The following PNLIPRP3 variants were observed in gnomAD, a reference collection of about 807,000 sequenced individuals.
The protein encoded by PNLIPRP3 is pancreatic lipase-related protein 3.
PNLIPRP3 carries 58 observed loss-of-function variants against 52.8 expected under a neutral mutation model. The observed-to-expected ratio is 1.10, with a 90% CI of 0.89 to 1.37. The LOEUF is 1.37. Among genes scored for constraint, PNLIPRP3 ranks in the 40% most tolerant of loss-of-function variants. PNLIPRP3 has a pLI of 0.00. For synonymous variants in PNLIPRP3, 192 were observed against 185.0 expected, an observed-to-expected ratio of 1.04 and a Z score of -0.31; for missense variants, 593 against 561.6, an observed-to-expected ratio of 1.06 and a Z score of -0.57.
chr10:116,439,429 T>C (rs1564693744), intron 2 of PNLIPRP3: 8 of 604,210 alleles, frequency 1.3e-5, no homozygotes, highest in East Asian at 3.0e-5. Context: ...ACTCTAAGTA[T>C]TCACAAGGAG....
intron 3 of PNLIPRP3, among the ~76,000 whole-genome samples, chr10:116,444,154 G>C (rs892065910): frequency 6.6e-6 from 1 of 151,830 alleles, no homozygotes; most frequent in Non-Finnish European, 1.5e-5. Flanking sequence ...AAAACGGCAC[G>C]GGGGAAACCA....
At chr10:116,466,221 C>T in intron 8 of PNLIPRP3, 53 bp downstream of exon 8, 1 of 1,334,318 alleles carries the variant, frequency 7.5e-7, no homozygotes, top group African/African-American at 1.5e-5. Context: ...TTTTGAAACA[C>T]AATCATCCAG....
chr10:116,464,800 G>C (rs374634093), intron 7 of PNLIPRP3, among the ~76,000 whole-genome samples: 3 of 152,196 alleles, frequency 2.0e-5, no homozygotes, highest in Non-Finnish European at 4.4e-5. Flanking sequence ...CAGCTCATTT[G>C]TTCCCACCCT....
chr10:116,469,661 T>C (rs1203850771), intron 9 of PNLIPRP3, among the ~76,000 whole-genome samples: 1 of 152,070 alleles, frequency 6.6e-6, no homozygotes, highest in African/African-American at 2.4e-5. Context: ...AGTGACCACG[T>C]CTGTAAATGC....
chr10:116,438,283 A>T (rs1845806292), intron 2 of PNLIPRP3, among the ~76,000 whole-genome samples: 2 of 152,156 alleles, frequency 1.3e-5, no homozygotes, highest in South Asian at 2.1e-4. Flanking sequence ...CAGGACTAGG[A>T]GTGGTTGGAG....
At chr10:116,442,485 C>T (rs1169994800) in intron 2 of PNLIPRP3, among the ~76,000 whole-genome samples, 8 of 152,190 alleles carry the variant, frequency 5.3e-5, no homozygotes, top group Non-Finnish European at 7.4e-5. Flanking sequence ...ATGATTTAAA[C>T]TTCCCAACAT....
intron 4 of PNLIPRP3, 79 bp downstream of exon 4, chr10:116,444,592 T>A: frequency 2.2e-6 from 3 of 1,388,318 alleles, no homozygotes; most frequent in Non-Finnish European, 3.0e-6. Context: ...CAATTTAATG[T>A]CTTTTTTTAT....
chr10:116,459,752 T>G (rs1589985989), intron 5 of PNLIPRP3, among the ~76,000 whole-genome samples: 1 of 152,290 alleles, frequency 6.6e-6, no homozygotes, highest in Middle Eastern at 3.4e-3. Flanking sequence ...GCCCTTCAGA[T>G]CTCTACTAGT....
rs1345503836 is a variant in PNLIPRP3 at position 116,477,819 on chromosome 10, C to T, written c.*666C>T. On this transcript the variant is annotated 3_prime_UTR_variant, in exon 12 of 12. Transcript: ENST00000369230. ...GTATAGCCCCCTTCCTCCAAAGTCC[C>T]TGCCACAGGAGAATTACTCCTCTCC... 6.6e-6 allele frequency: 1 copy of T among 152,106 alleles called. No homozygotes were observed. Among genetic ancestry groups the T allele is most frequent in the Non-Finnish European group, 1.5e-5 (1 of 68,036 alleles). 9.4% of individuals were successfully genotyped at this position (152,106 alleles called of 1,614,324 possible). A position where few individuals can be genotyped will look rare whatever the true frequency, so the allele number is the denominator to read the frequency against.
In PNLIPRP3 at chr10:116,461,230, C is replaced by G. The variant is rs565944175; in HGVS notation, c.748C>G (p.Pro250Ala). Residue 250 changes from proline to alanine, a missense_variant, in exon 7 of 12, where the codon CCA becomes GCA. Transcript: ENST00000369230. ...DFYPNGGKHM[P>A]GCEDLITPLL... The stretch of plus-strand genomic sequence containing the variant: ...TTACCCAAATGGAGGGAAGCACATG[C>G]CAGGATGTGAAGACTTAATTACACC... 6.2e-7 allele frequency: 1 copy of G among 1,613,640 alleles called. No homozygotes were observed. The highest frequency in any genetic ancestry group is 1.7e-5 in the Admixed American group (1 of 60,012).
At chr10:116,466,203 A>G (rs759691734) in intron 8 of PNLIPRP3, 35 bp downstream of exon 8, 4 of 1,493,370 alleles carry the variant, frequency 2.7e-6, no homozygotes, top group Admixed American at 1.9e-5. Flanking sequence ...TTTAATTATA[A>G]AGTAATTTTT....
chr10:116,430,722 A>C (rs1020174156), intron 1 of PNLIPRP3, among the ~76,000 whole-genome samples: 3 of 152,316 alleles, frequency 2.0e-5, no homozygotes, highest in South Asian at 2.1e-4. Context: ...TACACACCAC[A>C]TATCTATTAC....
intron 5 of PNLIPRP3, among the ~76,000 whole-genome samples, chr10:116,458,277 C>G (rs1846144015): frequency 6.6e-6 from 1 of 152,160 alleles, no homozygotes; most frequent in Non-Finnish European, 1.5e-5. Flanking sequence ...ACTACACACT[C>G]AGATCCTAAA....
chr10:116,442,722 A>G (rs140084808), intron 2 of PNLIPRP3, among the ~76,000 whole-genome samples: 126 of 152,142 alleles, frequency 8.3e-4, no homozygotes, highest in African/African-American at 2.9e-3. Flanking sequence ...AAAATTAGCC[A>G]TGTGTGGTGT....
intron 1 of PNLIPRP3, among the ~76,000 whole-genome samples, chr10:116,429,304 T>A (rs1449333852): frequency 6.6e-6 from 1 of 152,322 alleles, no homozygotes; most frequent in Non-Finnish European, 1.5e-5. Context: ...AGATATCTTA[T>A]TGTGTATATG....
At chr10:116,448,066 A>G (rs191168636) in intron 4 of PNLIPRP3, among the ~76,000 whole-genome samples, 1 of 152,072 alleles carries the variant, frequency 6.6e-6, no homozygotes, top group East Asian at 1.9e-4. Context: ...GAAAAGAAAC[A>G]GAAAGAAAGA....
chr10:116,450,843 A>C (rs999532317), intron 4 of PNLIPRP3, among the ~76,000 whole-genome samples: 1 of 152,208 alleles, frequency 6.6e-6, no homozygotes, highest in African/African-American at 2.4e-5. Flanking sequence ...AAGAGTCAAT[A>C]TTATCAAAAT....
chr10:116,431,182 T>G (rs2133107301), intron 1 of PNLIPRP3, among the ~76,000 whole-genome samples: 1 of 152,284 alleles, frequency 6.6e-6, no homozygotes, highest in South Asian at 2.1e-4. Context: ...CACCCTAGTC[T>G]TAGCCACCAC....
intron 5 of PNLIPRP3, among the ~76,000 whole-genome samples, chr10:116,460,075 A>G (rs1846170182): frequency 6.6e-6 from 1 of 152,024 alleles, no homozygotes; most frequent in Non-Finnish European, 1.5e-5. Context: ...CATGTTTCTT[A>G]TCTCTTGCAG....
Sources: gnomAD v4.1 joint callset for allele counts (sites outside exome capture counted in the v4.1 genomes callset) on GRCh38, gnomAD v4.1.1 for gene constraint, MANE v1.5 for transcripts, NCBI Gene and HGNC (gene_info 2026-07-23, HGNC 2026-07-21) for gene names.